HNRNPH1: variants seen among roughly 807,000 people sequenced by gnomAD.
HNRNPH1 encodes the protein heterogeneous nuclear ribonucleoprotein H.
Under a neutral mutation model 58.6 loss-of-function variants are expected in HNRNPH1, and 4 were observed. That is an observed-to-expected ratio of 0.07 (90% CI 0.03 to 0.16). The LOEUF (loss-of-function observed/expected upper bound fraction) is 0.16, where lower values mean the gene tolerates loss of function less well. HNRNPH1 is among the 10% of genes least tolerant of loss of function. The pLI, the probability that HNRNPH1 is intolerant of heterozygous loss-of-function variation, is 1.00. For missense variants in HNRNPH1, 271 were observed against 564.2 expected (o/e 0.48, Z 5.26); for synonymous variants, 192 against 189.2 (o/e 1.01, Z -0.12).
exon 1 of HNRNPH1, chr5:179,624,185 C>T (rs1412434609): frequency 7.9e-6 from 2 of 253,292 alleles, no homozygotes; most frequent in East Asian, 1.5e-4. Context: ...TATCCCCAAA[C>T]CGGCCGAAGC....
At chr5:179,632,425 C>G (rs1164223397) in intron 2 of HNRNPH1, among the ~76,000 whole-genome samples, 1 of 152,264 alleles carries the variant, frequency 6.6e-6, no homozygotes, top group Non-Finnish European at 1.5e-5. Context: ...GGGATCCCCG[C>G]GTCTCTCCGC....
At chr5:179,625,012 A>G (rs1774226645), upstream of HNRNPH1, among the ~76,000 whole-genome samples, 2 of 152,210 alleles carry the variant, frequency 1.3e-5, no homozygotes, top group African/African-American at 4.8e-5. Flanking sequence ...TCTCCGAGAG[A>G]AGGCTTTGGC....
At chr5:179,615,849 T>G (rs1331110823) in intron 11 of HNRNPH1, 9 of 523,078 alleles carry the variant, frequency 1.7e-5, no homozygotes. Context: ...TCGACAGTAT[T>G]CCAAAGCTGC....
intron 2 of HNRNPH1, among the ~76,000 whole-genome samples, chr5:179,632,808 G>C (rs1774957830): frequency 7.7e-6 from 1 of 129,062 alleles, no homozygotes; most frequent in African/African-American, 3.0e-5. Flanking sequence ...CCCAGGCTCA[G>C]CTTCCCGAGT....
intron 3 of HNRNPH1, 110 bp downstream of exon 4, chr5:179,620,782 C>A: frequency 1.1e-6 from 1 of 875,944 alleles, no homozygotes. Flanking sequence ...AATTCATTGG[C>A]AATTTACAAC....
Position 179,619,829 on chromosome 5 carries a change from A to ATT in HNRNPH1, c.398-424_398-423dup, listed in dbSNP as rs202084730. On this transcript the variant is annotated intron_variant, in intron 3 of 12. Coordinates refer to ENST00000356731, the Ensembl canonical transcript of HNRNPH1. Reference sequence around the variant, plus strand: ...ACTTCAAGTTTTTAAAAAGGTATACATTTACAACATTTCATATAAAAACTG... The same window carrying ATT: ...ACTTCAAGTTTTTAAAAAGGTATACATTTTTACAACATTTCATATAAAAACTG... 1.1e-3 allele frequency: 175 copies of ATT among 152,792 alleles called. 4 individuals carry two copies. In the East Asian group the frequency reaches 0.031, roughly 27 times the overall value. The allele number at this position is 152,792 out of a possible 1,614,324, so 9.5% of individuals were successfully genotyped here.
At chr5:179,614,901 G>A (rs762154041) in exon 13 of HNRNPH1, 35 of 1,547,360 alleles carry the variant, frequency 2.3e-5, no homozygotes, top group South Asian at 7.1e-5. Context: ...TTCCGTTCAC[G>A]CCCATAGATG....
chr5:179,615,201 C>T (rs1768931006), intron 12 of HNRNPH1: 3 of 436,526 alleles, frequency 6.9e-6, no homozygotes, highest in Non-Finnish European at 1.2e-5. Flanking sequence ...TCAGGATCAA[C>T]ATGAAAAATT....
rs558620441 is a variant in HNRNPH1 at position 179,632,103 on chromosome 5, G to A, written c.-32+1962C>T. ...GGGCGGATCACGAGGTCAGGAGATCGAGACCATCCCGGCTAACACGGTGAA... is the reference window on the plus strand; with the variant it reads ...GGGCGGATCACGAGGTCAGGAGATCAAGACCATCCCGGCTAACACGGTGAA... On this transcript the variant is annotated intron_variant, in intron 2 of 4. Coordinates refer to the HNRNPH1 transcript ENST00000521116. Among the ~76,000 whole-genome samples, 253 of 151,990 alleles carry A rather than the reference G, an allele frequency of 1.7e-3. 3 individuals carry two copies. Among genetic ancestry groups the A allele is most frequent in the African/African-American group, 5.8e-3 (240 of 41,482 alleles).
At chr5:179,628,320 TTTTA>T (rs1219376885), upstream of HNRNPH1, among the ~76,000 whole-genome samples, 3 of 152,172 alleles carry the variant, frequency 2.0e-5, no homozygotes, top group African/African-American at 7.2e-5. Flanking sequence ...TAGGAATGTG[TTTTA>T]TTTATTTTCT....
chr5:179,632,035 G>A (rs1053000641), intron 2 of HNRNPH1, among the ~76,000 whole-genome samples: 2 of 151,334 alleles, frequency 1.3e-5, no homozygotes, highest in Admixed American at 6.6e-5. Flanking sequence ...GGCCGGGCGC[G>A]GCGGCTCACG....
At chr5:179,620,838 C>T in intron 3 of HNRNPH1, 54 bp downstream of exon 4, 1 of 1,554,154 alleles carries the variant, frequency 6.4e-7, no homozygotes, top group Non-Finnish European at 8.8e-7. Context: ...TATTAAATCA[C>T]CTTGCCATAA....
At chr5:179,618,162 C>T in exon 5 of HNRNPH1, 4 of 1,613,900 alleles carry the variant, frequency 2.5e-6, no homozygotes, top group Non-Finnish European at 3.4e-6. Context: ...ATAAGCACCA[C>T]GCCTCATCCT....
intron 3 of HNRNPH1, 58 bp downstream of exon 4, chr5:179,620,834 A>G: frequency 2.0e-6 from 3 of 1,531,490 alleles, no homozygotes; most frequent in Non-Finnish European, 2.7e-6. Flanking sequence ...CGTCTATTAA[A>G]TCACCTTGCC....
At chr5:179,616,786 T>C (rs942138849) in intron 10 of HNRNPH1, 83 bp downstream of exon 11, 33 of 1,205,956 alleles carry the variant, frequency 2.7e-5, no homozygotes, top group African/African-American at 4.7e-5. Context: ...GCTAAACTTA[T>C]TAAATAAATA....
exon 6 of HNRNPH1, chr5:179,618,060 C>T: frequency 1.9e-6 from 3 of 1,614,016 alleles, no homozygotes; most frequent in Non-Finnish European, 2.5e-6. Context: ...GCCTCCATAG[C>T]CTGAAAGACA....
chr5:179,623,248 C>G (rs188262796), exon 1 of HNRNPH1: 61 of 645,344 alleles, frequency 9.5e-5, no homozygotes, highest in African/African-American at 9.1e-4. Context: ...GCACCGCCCC[C>G]CCACGGAGCA....
upstream of HNRNPH1, among the ~76,000 whole-genome samples, chr5:179,627,699 G>C (rs1774509496): frequency 6.6e-6 from 1 of 151,808 alleles, no homozygotes; most frequent in Non-Finnish European, 1.5e-5. Flanking sequence ...GAGGTGGGTG[G>C]ATAACTTGAT....
intron 2 of HNRNPH1, among the ~76,000 whole-genome samples, chr5:179,632,555 C>T (rs922939540): frequency 6.6e-6 from 1 of 152,174 alleles, no homozygotes; most frequent in Non-Finnish European, 1.5e-5. Flanking sequence ...ACAAAGGCGT[C>T]CCCACAGTGT....
Sources: gnomAD v4.1 joint callset for allele counts (sites outside exome capture counted in the v4.1 genomes callset) on GRCh38, gnomAD v4.1.1 for gene constraint, MANE v1.5 for transcripts, NCBI Gene and HGNC (gene_info 2026-07-23, HGNC 2026-07-21) for gene names.